Variants in PPP1R13B observed in about 807,000 individuals in gnomAD.
The protein encoded by PPP1R13B is apoptosis-stimulating of p53 protein 1.
A neutral mutation model predicts 119.8 loss-of-function variants in PPP1R13B; 44 were observed. The ratio of observed to expected loss-of-function variants is 0.37; its 90% CI spans 0.29 to 0.47. The LOEUF (loss-of-function observed/expected upper bound fraction) is 0.47. Among genes scored for constraint, PPP1R13B ranks in the 20% least tolerant of loss-of-function variants. PPP1R13B has a pLI of 0.99. For missense variants in PPP1R13B, 1,227 were observed against 1,413.5 expected, an observed-to-expected ratio of 0.87 and a Z score of 2.12; for synonymous variants, 542 against 561.5, an observed-to-expected ratio of 0.97 and a Z score of 0.49.
At chr14:103,785,553 C>G (rs907759743) in intron 2 of PPP1R13B, among the ~76,000 whole-genome samples, 1 of 125,776 alleles carries the variant, frequency 8.0e-6, no homozygotes, top group South Asian at 2.5e-4. Context: ...GAGTTTTGCT[C>G]TTATCACTTA....
intron 8 of PPP1R13B, 133 bp downstream of exon 8, chr14:103,749,661 T>G: frequency 2.2e-6 from 2 of 930,174 alleles, no homozygotes; most frequent in South Asian, 1.8e-5. Context: ...TTCTGTCATT[T>G]TTGATGGTTT....
chr14:103,742,701 A>G lies in PPP1R13B; in HGVS notation c.1273T>C (p.Ser425Pro), dbSNP rs202226461. The G allele has an allele frequency of 1.9e-6, 3 of 1,613,998 alleles. No homozygotes were observed. The highest frequency in any genetic ancestry group is 2.5e-6 in the Non-Finnish European group (3 of 1,180,022). Residue 425 changes from serine (S) to proline (P), a missense_variant, in exon 10 of 17, where the codon TCC (serine) becomes CCC (proline). Transcript: ENST00000202556. The surrounding 1 kb of genome is among the most constrained non-coding windows in gnomAD (Gnocchi z 4.9). Reference protein sequence around the residue: ...VEGSVKQGTVSSQPVPFSALG... With the variant: ...VEGSVKQGTVPSQPVPFSALG... ...GCTGAGAAGGGCACAGGCTGGCTGG[A>G]GACAGTGCCCTGCTTGACAGACCCC...
chr14:103,765,702 C>G (rs1331201452), intron 4 of PPP1R13B, among the ~76,000 whole-genome samples: 3 of 152,212 alleles, frequency 2.0e-5, no homozygotes, highest in Non-Finnish European at 4.4e-5. Context: ...GCTTCCTAAA[C>G]TCTGCCTATC....
At chr14:103,831,752 A>G (rs1567158582) in intron 1 of PPP1R13B, among the ~76,000 whole-genome samples, 1 of 152,120 alleles carries the variant, frequency 6.6e-6, no homozygotes, top group South Asian at 2.1e-4. Flanking sequence ...CCTGGCCAAC[A>G]TGGTGAAACC....
chr14:103,748,552 G>A (rs960332531), intron 8 of PPP1R13B, among the ~76,000 whole-genome samples: 1 of 152,164 alleles, frequency 6.6e-6, no homozygotes, highest in Non-Finnish European at 1.5e-5. Context: ...CTTGCTGGTG[G>A]GTCAGGAGAG....
chr14:103,771,422 T>C (rs375617674), intron 4 of PPP1R13B, among the ~76,000 whole-genome samples: 78 of 151,868 alleles, frequency 5.1e-4, no homozygotes, highest in African/African-American at 1.9e-3. Context: ...ATATGTTTAG[T>C]GTGTTTAAAA....
intron 12 of PPP1R13B, chr14:103,739,386 T>C (rs1255531311): frequency 3.2e-6 from 1 of 314,090 alleles, no homozygotes; most frequent in African/African-American, 2.1e-5. Context: ...GACAGGGTTC[T>C]TCCTGCTATG....
chr14:103,770,546 A>G (rs2085044231), intron 4 of PPP1R13B, among the ~76,000 whole-genome samples: 2 of 152,068 alleles, frequency 1.3e-5, no homozygotes, highest in South Asian at 2.1e-4. Context: ...TATCCATTCA[A>G]TTCAATACAC....
chr14:103,795,859 T>C (rs927378510), intron 2 of PPP1R13B, among the ~76,000 whole-genome samples: 2 of 152,230 alleles, frequency 1.3e-5, no homozygotes, highest in African/African-American at 4.8e-5. Flanking sequence ...TCCTTAAAAT[T>C]CTTTACTCTG....
In PPP1R13B at chr14:103,735,162, G is replaced by A; in HGVS notation, c.3265C>T (p.Leu1089Phe). ...YPRIKPRQRT[L>F]A is the part of the protein sequence containing the mutation. ...GTGCTCCAAAAGGAAGTTCAGGCGA[G>A]TGTTCGCTGTCGGGGTTTGATCCGT... The change falls in exon 17 of 17, where the codon CTC becomes TTC. Residue 1089 changes from leucine to phenylalanine, a missense_variant. Leu to Phe is a conservative substitution (Grantham distance 22). Coordinates refer to ENST00000202556, the MANE Select transcript of PPP1R13B (RefSeq NM_015316.3). The A allele has an allele frequency of 6.2e-7, 1 of 1,614,162 alleles. No individual in the cohort carries two copies.
At chr14:103,746,634 C>T (rs554273884) in intron 8 of PPP1R13B, 81 bp from the exon 9 acceptor site, 19 of 1,259,666 alleles carry the variant, frequency 1.5e-5, no homozygotes, top group African/African-American at 7.6e-5. Flanking sequence ...ACTGCCAGCT[C>T]GGACAGAAAG....
At chr14:103,839,839 A>G (rs1281026232) in intron 1 of PPP1R13B, among the ~76,000 whole-genome samples, 1 of 152,142 alleles carries the variant, frequency 6.6e-6, no homozygotes, top group Non-Finnish European at 1.5e-5. Flanking sequence ...TTCTTGAGCT[A>G]TGATAATTAC....
At chr14:103,744,167 G>T (rs938161887) in intron 9 of PPP1R13B, among the ~76,000 whole-genome samples, 1 of 152,188 alleles carries the variant, frequency 6.6e-6, no homozygotes, top group African/African-American at 2.4e-5. Context: ...GCAACAACAG[G>T]AAGTTTTATG....
intron 1 of PPP1R13B, among the ~76,000 whole-genome samples, chr14:103,827,462 T>C (rs1259905520): frequency 6.6e-6 from 1 of 152,064 alleles, no homozygotes; most frequent in Admixed American, 6.6e-5. Flanking sequence ...CTCATGGTAG[T>C]GTAAAATTTT....
At chr14:103,805,668 A>G (rs1436447131) in intron 1 of PPP1R13B, among the ~76,000 whole-genome samples, 2 of 152,258 alleles carry the variant, frequency 1.3e-5, no homozygotes, top group African/African-American at 4.8e-5. Flanking sequence ...ATTATGGAAT[A>G]TCATACAATG....
intron 1 of PPP1R13B, among the ~76,000 whole-genome samples, chr14:103,815,438 G>A (rs1480931176): frequency 6.6e-6 from 1 of 152,134 alleles, no homozygotes; most frequent in African/African-American, 2.4e-5. Flanking sequence ...TGTGAATTAT[G>A]TACCAATAAA....
chr14:103,784,697 G>A, intron 3 of PPP1R13B, 98 bp downstream of exon 3: 6 of 1,259,532 alleles, frequency 4.8e-6, no homozygotes, highest in Non-Finnish European at 4.3e-6. Flanking sequence ...GTAAGTGCAG[G>A]GCCGGGTGTG....
intron 2 of PPP1R13B, 51 bp downstream of exon 2, chr14:103,797,320 T>C: frequency 6.6e-7 from 1 of 1,511,984 alleles, no homozygotes; most frequent in South Asian, 1.4e-5. Context: ...AGCTAAAAGA[T>C]GGTGATTTGA....
At position 103,807,504 on chromosome 14, in the gene PPP1R13B, C is replaced by CT. The variant is rs1368618726; in HGVS notation, c.10-9987dup. ...TCCCCCAATTATACGTAAAATGTCC[C>CT]TTTTTTTTGAGACAGAGTATCACGC... On this transcript the variant is annotated intron_variant, in intron 1 of 16. Coordinates refer to ENST00000202556, the MANE Select transcript of PPP1R13B (RefSeq NM_015316.3). Among the ~76,000 whole-genome samples the CT allele has an allele frequency of 4.6e-5, 7 of 151,980 alleles. No homozygotes were observed. The South Asian group carries it at 6.3e-4, about 14-fold the overall frequency.
Sources: gnomAD v4.1 joint callset for allele counts (sites outside exome capture counted in the v4.1 genomes callset) on GRCh38, gnomAD v4.1.1 for gene constraint, Gnocchi (gnomAD v3.1) non-coding constraint, MANE v1.5 for transcripts, NCBI Gene and HGNC (gene_info 2026-07-23, HGNC 2026-07-21) for gene names.